The following ITGA11 variants were observed in gnomAD, a reference collection of about 807,000 sequenced individuals.
ITGA11 encodes the protein integrin subunit alpha 11.
A neutral mutation model predicts 141.9 loss-of-function variants in ITGA11; 97 were observed. The observed-to-expected ratio is 0.68, with a 90% CI of 0.58 to 0.81. The LOEUF is 0.81. ITGA11 is among the 30% of genes least tolerant of loss of function. The pLI is 0.00. For synonymous variants in ITGA11, 658 were observed against 624.6 expected (o/e 1.05, Z -0.80); for missense variants, 1,387 against 1,559.2 (o/e 0.89, Z 1.86).
intron 1 of ITGA11, among the ~76,000 whole-genome samples, chr15:68,405,585 T>A (rs367788191): frequency 6.6e-6 from 1 of 152,170 alleles, no homozygotes; most frequent in Non-Finnish European, 1.5e-5. Flanking sequence ...CTTATCAGCC[T>A]GGCTAGCAGC....
intron 18 of ITGA11, among the ~76,000 whole-genome samples, chr15:68,323,227 C>T (rs974435437): frequency 6.6e-6 from 1 of 152,114 alleles, no homozygotes; most frequent in East Asian, 1.9e-4. Context: ...CAGGGGTCAC[C>T]GTGGAGCCGT....
At chr15:68,416,025 C>CT (rs541748545) in intron 1 of ITGA11, among the ~76,000 whole-genome samples, 1 of 152,238 alleles carries the variant, frequency 6.6e-6, no homozygotes, top group Non-Finnish European at 1.5e-5. Flanking sequence ...ATCACACACA[C>CT]TGGGTGCCTG....
At chr15:68,374,044 G>T (rs1397109409) in intron 2 of ITGA11, among the ~76,000 whole-genome samples, 3 of 152,266 alleles carry the variant, frequency 2.0e-5, no homozygotes, top group South Asian at 4.1e-4. Context: ...AGGCAAAAAA[G>T]TGCACATAGT....
At chr15:68,368,779 C>T (rs1895501223) in intron 3 of ITGA11, among the ~76,000 whole-genome samples, 1 of 151,772 alleles carries the variant, frequency 6.6e-6, no homozygotes, top group Non-Finnish European at 1.5e-5. Context: ...ATGTGCCTCA[C>T]ACATGGTGAA....
chr15:68,379,194 G>T (rs1285354212), intron 2 of ITGA11, among the ~76,000 whole-genome samples: 2 of 152,120 alleles, frequency 1.3e-5, no homozygotes, highest in Admixed American at 1.3e-4. Context: ...TCCCACCTCT[G>T]CATGAGCAGT....
rs181564605 is a variant in ITGA11 at position 68,413,730 on chromosome 15, C to G, written c.53-10701G>C. 2.0e-5 allele frequency among the ~76,000 whole-genome samples: 3 copies of G among 152,320 alleles called. No homozygotes were observed. The East Asian group carries it at 5.8e-4, about 29-fold the overall frequency. On this transcript the variant is annotated intron_variant, in intron 1 of 29. Coordinates refer to ENST00000315757, the MANE Select transcript of ITGA11 (RefSeq NM_001004439.2). ...GTTCCCTTGGGCAGACGCCAGCTGA[C>G]TTCCAGTTGTCGGCACTCGAGCATC...
chr15:68,350,348 C>G (rs1430312054), intron 9 of ITGA11, among the ~76,000 whole-genome samples: 1 of 149,376 alleles, frequency 6.7e-6, no homozygotes, highest in African/African-American at 2.6e-5. Context: ...CCACACCTAG[C>G]TAATTTTTGT....
intron 1 of ITGA11, among the ~76,000 whole-genome samples, chr15:68,411,959 G>A (rs1457449965): frequency 6.6e-6 from 1 of 151,986 alleles, no homozygotes; most frequent in East Asian, 1.9e-4. Flanking sequence ...ACCTAGCTGA[G>A]GTCAGCACCC....
chr15:68,386,005 C>A (rs1356559481), intron 2 of ITGA11, among the ~76,000 whole-genome samples: 1 of 152,154 alleles, frequency 6.6e-6, no homozygotes, highest in Non-Finnish European at 1.5e-5. Flanking sequence ...CCCTCCCCAG[C>A]CCACCATCAT....
intron 4 of ITGA11, among the ~76,000 whole-genome samples, chr15:68,363,801 C>G (rs371209170): frequency 6.6e-6 from 1 of 152,342 alleles, no homozygotes; most frequent in African/African-American, 2.4e-5. Flanking sequence ...TGGCAAGGAG[C>G]AGGCAGTGCC....
chr15:68,343,914 G>A (rs1364890516), intron 10 of ITGA11, among the ~76,000 whole-genome samples: 4 of 152,204 alleles, frequency 2.6e-5, no homozygotes, highest in Non-Finnish European at 4.4e-5. Flanking sequence ...CTGCCTTTCT[G>A]TGGAGGAGGG....
At chr15:68,402,895 T>A in intron 2 of ITGA11, 23 bp downstream of exon 2, 1 of 1,526,904 alleles carries the variant, frequency 6.5e-7, no homozygotes, top group South Asian at 1.1e-5. Flanking sequence ...CAGGGCTGGG[T>A]GTGGGCGGCC....
intron 1 of ITGA11, among the ~76,000 whole-genome samples, chr15:68,422,110 A>G (rs889951017): frequency 2.6e-5 from 4 of 152,148 alleles, no homozygotes; most frequent in Non-Finnish European, 2.9e-5. Flanking sequence ...GGAGGGATAG[A>G]GGCTCTGTGC....
chr15:68,345,306 T>C (rs1894709141), intron 10 of ITGA11, among the ~76,000 whole-genome samples: 1 of 152,208 alleles, frequency 6.6e-6, no homozygotes, highest in Admixed American at 6.5e-5. Context: ...AATATTTTCT[T>C]TCCCCTTTCT....
At chr15:68,332,897 G>C (rs1039507227) in intron 12 of ITGA11, among the ~76,000 whole-genome samples, 2 of 152,062 alleles carry the variant, frequency 1.3e-5, no homozygotes, top group East Asian at 3.9e-4. Context: ...CCTATTTGTA[G>C]GTGTGTGTAT....
chr15:68,381,457 A>C (rs1190359990), intron 2 of ITGA11, among the ~76,000 whole-genome samples: 1 of 152,200 alleles, frequency 6.6e-6, no homozygotes, highest in Non-Finnish European at 1.5e-5. Context: ...GGATGCATGA[A>C]TGAATATTCT....
At chr15:68,317,201 C>T in intron 21 of ITGA11, 64 bp downstream of exon 21, 1 of 1,207,014 alleles carries the variant, frequency 8.3e-7, no homozygotes, top group Non-Finnish European at 1.2e-6. Context: ...TGCCGCCCTC[C>T]CCAAACTACC....
chr15:68,328,277 C>A lies in ITGA11; in HGVS notation c.1902-15G>T. 1 of 1,609,924 alleles carries A rather than the reference C, an allele frequency of 6.2e-7. No individual in the cohort carries two copies. Among genetic ancestry groups the A allele is most frequent in the Non-Finnish European group, 8.5e-7 (1 of 1,177,516 alleles). On this transcript the variant is annotated splice_polypyrimidine_tract_variant and intron_variant, in intron 15 of 29. Transcript: ENST00000315757. The surrounding 1 kb of genome is among the most constrained non-coding windows in gnomAD (Gnocchi z 4.8). Reference sequence around the variant, plus strand: ...CTGGGCGGGACCTGGAGGAGAAGGGCCAGTGAGCTGGGGTGGGGCAGGGGC... The same window carrying A: ...CTGGGCGGGACCTGGAGGAGAAGGGACAGTGAGCTGGGGTGGGGCAGGGGC...
intron 23 of ITGA11, 69 bp downstream of exon 23, chr15:68,313,710 C>G (rs1008131830): frequency 8.2e-7 from 1 of 1,224,246 alleles, no homozygotes; most frequent in African/African-American, 1.5e-5. Context: ...AGAGGATGCC[C>G]CCCCTTAGGC....
Sources: gnomAD v4.1 joint callset for allele counts (sites outside exome capture counted in the v4.1 genomes callset) on GRCh38, gnomAD v4.1.1 for gene constraint, Gnocchi (gnomAD v3.1) non-coding constraint, MANE v1.5 for transcripts, NCBI Gene and HGNC (gene_info 2026-07-23, HGNC 2026-07-21) for gene names.